Variants in AFF3 observed in about 807,000 individuals in gnomAD.
AFF3 encodes the protein ALF transcription elongation factor 3.
In AFF3, 32 loss-of-function variants were observed where a neutral mutation model predicts 129.7. That is an observed-to-expected ratio of 0.25 (90% confidence interval 0.19 to 0.33). AFF3 has a LOEUF of 0.33. AFF3 is among the 10% of genes least tolerant of loss of function. AFF3 has a pLI of 1.00. For synonymous variants in AFF3, 644 were observed against 635.4 expected (o/e 1.01, Z -0.20); for missense variants, 1,373 against 1,592.0 (o/e 0.86, Z 2.34).
intron 7 of AFF3, among the ~76,000 whole-genome samples, chr2:99,845,422 T>G (rs1484515487): frequency 2.0e-5 from 3 of 152,214 alleles, no homozygotes; most frequent in Admixed American, 2.0e-4. Context: ...GTCAAGAACC[T>G]ATTGATGGCA....
chr2:99,763,724 A>G (rs1682795163), intron 8 of AFF3, among the ~76,000 whole-genome samples: 1 of 152,270 alleles, frequency 6.6e-6, no homozygotes, highest in Admixed American at 6.5e-5. Flanking sequence ...AAACACAGAT[A>G]CAAACCAGCA....
intron 7 of AFF3, among the ~76,000 whole-genome samples, chr2:99,972,644 C>A (rs909706553): frequency 1.3e-5 from 2 of 152,150 alleles, no homozygotes; most frequent in Non-Finnish European, 2.9e-5. Context: ...ACAGACACAG[C>A]CCTTAGTTTG....
intron 13 of AFF3, among the ~76,000 whole-genome samples, chr2:99,620,248 G>T (rs1292212257): frequency 6.6e-6 from 1 of 152,164 alleles, no homozygotes; most frequent in African/African-American, 2.4e-5. Flanking sequence ...GGGTCTCAGT[G>T]ACCCACATGA....
Position 100,129,224 on chromosome 2 carries a change from C to G in AFF3, c.-145G>C, listed in dbSNP as rs1417720713. The stretch of plus-strand genomic sequence containing the variant: ...ATCACTGTATCACTTGAATGTGTAC[C>G]TGCTTGCCAGTTACTCCGGATTGAT... On this transcript the variant is annotated splice_region_variant and 5_prime_UTR_variant, in exon 2 of 25. Transcript: ENST00000672756. 1.3e-5 allele frequency: 2 copies of G among 152,132 alleles called. No individual in the cohort carries two copies. Among genetic ancestry groups the G allele is most frequent in the Non-Finnish European group, 2.9e-5 (2 of 68,024 alleles). 9.4% of individuals were successfully genotyped at this position (152,132 alleles called of 1,614,324 possible).
intron 7 of AFF3, among the ~76,000 whole-genome samples, chr2:99,949,360 G>A (rs185879471): frequency 1.3e-5 from 2 of 152,182 alleles, no homozygotes; most frequent in Admixed American, 6.5e-5. Context: ...CTTTTTGGCA[G>A]TATAGACCAA....
At chr2:99,557,382 C>T (rs1191943495) in intron 22 of AFF3, among the ~76,000 whole-genome samples, 4 of 150,972 alleles carry the variant, frequency 2.6e-5, no homozygotes, top group Non-Finnish European at 4.4e-5. Flanking sequence ...CGGGTTCAAA[C>T]GATTCTCGTG....
intron 4 of AFF3, among the ~76,000 whole-genome samples, chr2:100,032,382 C>G (rs1684570008): frequency 6.6e-6 from 1 of 151,742 alleles, no homozygotes; most frequent in African/African-American, 2.4e-5. Context: ...TGAGCCGAGA[C>G]TGCGCCACTG....
intron 13 of AFF3, among the ~76,000 whole-genome samples, chr2:99,634,964 T>TACTCAC (rs1553411952): frequency 3.6e-5 from 5 of 137,710 alleles, no homozygotes; most frequent in Admixed American, 1.5e-4. Flanking sequence ...GATTCTGTCA[T>TACTCAC]ACACACACAC....
intron 4 of AFF3, among the ~76,000 whole-genome samples, chr2:100,010,313 T>A (rs1682403289): frequency 6.6e-6 from 1 of 152,156 alleles, no homozygotes; most frequent in Admixed American, 6.5e-5. Context: ...AGTATATGTA[T>A]CATGTAGCTG....
At chr2:100,021,462 T>C (rs758497379) in intron 4 of AFF3, among the ~76,000 whole-genome samples, 2 of 152,224 alleles carry the variant, frequency 1.3e-5, no homozygotes, top group African/African-American at 2.4e-5. Flanking sequence ...GCTGTATGCA[T>C]ATCACCATTT....
At chr2:100,118,170 T>C (rs988960380) in intron 2 of AFF3, among the ~76,000 whole-genome samples, 1 of 152,200 alleles carries the variant, frequency 6.6e-6, no homozygotes, top group Non-Finnish European at 1.5e-5. Context: ...TATATCCTAA[T>C]TATTTGAAAA....
At chr2:99,813,647 TGAG>T (rs756905394) in intron 8 of AFF3, among the ~76,000 whole-genome samples, 10 of 152,292 alleles carry the variant, frequency 6.6e-5, no homozygotes, top group South Asian at 2.1e-4. Context: ...GCTGAGACTG[TGAG>T]GAGATTAAAG....
intron 8 of AFF3, among the ~76,000 whole-genome samples, chr2:99,754,985 C>A (rs1048261250): frequency 6.6e-6 from 1 of 152,116 alleles, no homozygotes; most frequent in Non-Finnish European, 1.5e-5. Flanking sequence ...TGCTTGTAAT[C>A]AATCTTTCCA....
At chr2:100,022,433 C>CA (rs1376720318) in intron 4 of AFF3, among the ~76,000 whole-genome samples, 6 of 151,996 alleles carry the variant, frequency 3.9e-5, no homozygotes, top group Admixed American at 6.6e-5. Context: ...TCGGGGGAGA[C>CA]AGAGTCTCAC....
chr2:99,726,939 A>C (rs1679407886), intron 11 of AFF3, 138 bp downstream of exon 11: 2 of 785,338 alleles, frequency 2.5e-6, no homozygotes, highest in Non-Finnish European at 3.8e-6. Context: ...AAGCATTTAG[A>C]AAGACATTAT....
At chr2:99,625,475 G>T (rs1212429032) in intron 13 of AFF3, among the ~76,000 whole-genome samples, 1 of 152,144 alleles carries the variant, frequency 6.6e-6, no homozygotes, top group Admixed American at 6.5e-5. Flanking sequence ...CACAGAGAGG[G>T]CCTTTCTTGG....
chr2:100,073,020 G>A (rs1049849931), intron 4 of AFF3, among the ~76,000 whole-genome samples: 26 of 152,262 alleles, frequency 1.7e-4, no homozygotes, highest in African/African-American at 7.2e-5. Context: ...AAAGGCCAAC[G>A]CTGTGAGTGT....
intron 1 of AFF3, among the ~76,000 whole-genome samples, chr2:100,139,070 C>A (rs1692754527): frequency 6.6e-6 from 1 of 151,764 alleles, no homozygotes; most frequent in African/African-American, 2.4e-5. Flanking sequence ...ATCAAAGGGG[C>A]AAGAGGATGA....
At chr2:100,026,716 A>C (rs958084898) in intron 4 of AFF3, among the ~76,000 whole-genome samples, 1 of 145,862 alleles carries the variant, frequency 6.9e-6, no homozygotes, top group African/African-American at 2.5e-5. Flanking sequence ...TATATATATA[A>C]ATATATATAT....
Sources: gnomAD v4.1 joint callset for allele counts (sites outside exome capture counted in the v4.1 genomes callset) on GRCh38, gnomAD v4.1.1 for gene constraint, MANE v1.5 for transcripts, NCBI Gene and HGNC (gene_info 2026-07-23, HGNC 2026-07-21) for gene names.